The following ATRNL1 variants were observed in gnomAD, a reference collection of about 807,000 sequenced individuals.
ATRNL1 encodes the protein attractin-like protein 1.
ATRNL1 carries 95 observed loss-of-function variants against 182.7 expected under a neutral mutation model. That is an observed-to-expected ratio of 0.52 (90% CI 0.44 to 0.62). The LOEUF is 0.62. ATRNL1 is among the 20% of genes least tolerant of loss of function. ATRNL1 has a pLI of 0.00. For synonymous variants in ATRNL1, 576 were observed against 568.3 expected, an observed-to-expected ratio of 1.01 and a Z score of -0.19; for missense variants, 1,471 against 1,679.5, an observed-to-expected ratio of 0.88 and a Z score of 2.17.
intron 27 of ATRNL1, among the ~76,000 whole-genome samples, chr10:115,765,292 A>G (rs1228988305): frequency 2.6e-5 from 4 of 152,212 alleles, no homozygotes; most frequent in Admixed American, 6.5e-5. Flanking sequence ...TGAGCAAAGA[A>G]TGAGAATTCC....
chr10:115,811,066 C>A (rs2134256609), intron 27 of ATRNL1, among the ~76,000 whole-genome samples: 2 of 151,942 alleles, frequency 1.3e-5, no homozygotes, highest in South Asian at 4.1e-4. Flanking sequence ...AGGAGGGAAG[C>A]TTGGAACATT....
At chr10:115,940,304 G>A (rs1953688401) in intron 28 of ATRNL1, among the ~76,000 whole-genome samples, 1 of 152,176 alleles carries the variant, frequency 6.6e-6, no homozygotes, top group African/African-American at 2.4e-5. Flanking sequence ...TATTAATCAA[G>A]TCCTGGCCAT....
chr10:115,201,259 CT>C (rs1410896662), intron 8 of ATRNL1, among the ~76,000 whole-genome samples: 1 of 151,874 alleles, frequency 6.6e-6, no homozygotes, highest in Non-Finnish European at 1.5e-5. Flanking sequence ...TCAATTTTGG[CT>C]TTTGTTGCCA....
chr10:115,786,488 G>T (rs932670484), intron 27 of ATRNL1, among the ~76,000 whole-genome samples: 6 of 152,120 alleles, frequency 3.9e-5, no homozygotes, highest in African/African-American at 7.2e-5. Flanking sequence ...GCTTGTAATT[G>T]TATCACTCCC....
At chr10:115,695,031 T>C (rs1555049335) in intron 26 of ATRNL1, among the ~76,000 whole-genome samples, 4 of 151,952 alleles carry the variant, frequency 2.6e-5, no homozygotes, top group Non-Finnish European at 5.9e-5. Context: ...TGGATTTAGT[T>C]AATATTTCCT....
intron 24 of ATRNL1, among the ~76,000 whole-genome samples, chr10:115,483,222 G>A (rs1441332911): frequency 1.3e-5 from 2 of 151,220 alleles, no homozygotes; most frequent in African/African-American, 2.4e-5. Flanking sequence ...TATTTCATAT[G>A]CCTTCATAAA....
intron 26 of ATRNL1, among the ~76,000 whole-genome samples, chr10:115,634,633 G>A (rs1307702136): frequency 6.6e-6 from 1 of 152,024 alleles, no homozygotes; most frequent in Admixed American, 6.6e-5. Context: ...TTAGAAAAAT[G>A]CTTAGTTCTT....
intron 9 of ATRNL1, among the ~76,000 whole-genome samples, chr10:115,216,382 A>T (rs373759229): frequency 6.6e-6 from 1 of 152,270 alleles, no homozygotes; most frequent in African/African-American, 2.4e-5. Context: ...CCAACAGGGT[A>T]TGTGTCCCTG....
intron 26 of ATRNL1, among the ~76,000 whole-genome samples, chr10:115,682,092 A>T (rs1555044900): frequency 1.3e-5 from 2 of 152,152 alleles, no homozygotes; most frequent in Non-Finnish European, 2.9e-5. Context: ...TGTGAAAATA[A>T]AACTCTGTTG....
Position 115,312,202 on chromosome 10 carries a change from T to C in ATRNL1, c.2819-3316T>C, listed in dbSNP as rs543341293. Among the ~76,000 whole-genome samples the C allele has an allele frequency of 5.3e-5, 8 of 152,288 alleles. No homozygotes were observed. In the East Asian group the frequency reaches 1.4e-3, roughly 26 times the overall value. On this transcript the variant is annotated intron_variant, in intron 17 of 28. Transcript: ENST00000355044. ...CATTGTATTATTACTTTATAGGCCC[T>C]GTGAGTTTTATACTTTCAAGAGGTT...
At chr10:115,588,508 T>G (rs1355418566) in intron 26 of ATRNL1, among the ~76,000 whole-genome samples, 1 of 152,210 alleles carries the variant, frequency 6.6e-6, no homozygotes, top group African/African-American at 2.4e-5. Flanking sequence ...AATGCAGAGT[T>G]CTTTCTGCTT....
intron 26 of ATRNL1, among the ~76,000 whole-genome samples, chr10:115,599,833 TATAAC>T (rs1264778275): frequency 1.3e-5 from 2 of 152,138 alleles, no homozygotes; most frequent in African/African-American, 2.4e-5. Context: ...ATTATAAAAA[TATAAC>T]ATATACAATA....
At chr10:115,728,211 C>G (rs1050910733) in intron 27 of ATRNL1, among the ~76,000 whole-genome samples, 4 of 138,108 alleles carry the variant, frequency 2.9e-5, no homozygotes, top group African/African-American at 5.4e-5. Flanking sequence ...AGAAGAATGG[C>G]GTGAACCCGG....
intron 19 of ATRNL1, among the ~76,000 whole-genome samples, chr10:115,381,085 A>G (rs1026511961): frequency 2.0e-5 from 3 of 152,054 alleles, no homozygotes; most frequent in Non-Finnish European, 4.4e-5. Flanking sequence ...CCCTCCCAGT[A>G]TGTGTGAAGT....
intron 26 of ATRNL1, among the ~76,000 whole-genome samples, chr10:115,625,313 A>G (rs1433910438): frequency 1.3e-5 from 2 of 152,150 alleles, no homozygotes; most frequent in Non-Finnish European, 2.9e-5. Flanking sequence ...GTCACTGTAA[A>G]TTTTTTGAGC....
intron 27 of ATRNL1, among the ~76,000 whole-genome samples, chr10:115,814,208 G>T (rs1195995962): frequency 2.0e-5 from 3 of 152,118 alleles, no homozygotes; most frequent in South Asian, 2.1e-4. Flanking sequence ...GAGCAAATAT[G>T]AAAGTAAAAT....
At chr10:115,219,283 C>T (rs1370353756) in intron 9 of ATRNL1, among the ~76,000 whole-genome samples, 1 of 151,352 alleles carries the variant, frequency 6.6e-6, no homozygotes, top group Admixed American at 6.6e-5. Context: ...TTGCACCCAT[C>T]TCCTCACAGA....
chr10:115,655,139 T>C (rs1555035434), intron 26 of ATRNL1, among the ~76,000 whole-genome samples: 1 of 152,156 alleles, frequency 6.6e-6, no homozygotes, highest in Non-Finnish European at 1.5e-5. Flanking sequence ...CCTAATTTCC[T>C]CAGCGGCCAC....
At chr10:115,406,233 G>T (rs1554958227) in intron 20 of ATRNL1, among the ~76,000 whole-genome samples, 2 of 152,048 alleles carry the variant, frequency 1.3e-5, no homozygotes, top group Non-Finnish European at 2.9e-5. Context: ...GGGTCAAATG[G>T]TATTTCTAGT....
Sources: allele counts gnomAD v4.1 joint callset (sites outside exome capture counted in the v4.1 genomes callset), GRCh38; gene constraint gnomAD v4.1.1; transcripts MANE v1.5; gene names NCBI Gene and HGNC (gene_info 2026-07-23, HGNC 2026-07-21).